The following MRTFB variants were observed in gnomAD, a reference collection of about 807,000 sequenced individuals.
The protein encoded by MRTFB is myocardin-related transcription factor B.
In MRTFB, 29 loss-of-function variants were observed where a neutral mutation model predicts 104.2. The observed-to-expected ratio is 0.28, with a 90% CI of 0.21 to 0.38. The LOEUF (loss-of-function observed/expected upper bound fraction) is 0.38. Among genes scored for constraint, MRTFB ranks in the 10% least tolerant of loss-of-function variants. MRTFB has a pLI of 1.00. For missense variants in MRTFB, 1,270 were observed against 1,341.6 expected (o/e 0.95, Z 0.83); for synonymous variants, 535 against 519.5 (o/e 1.03, Z -0.41).
chr16:14,200,612 A>G, intron 3 of MRTFB: 1 of 1,588,996 alleles, frequency 6.3e-7, no homozygotes, highest in African/African-American at 1.3e-5. Context: ...AGGTAGACTA[A>G]TGGTTGGCCT....
chr16:14,234,320 T>A (rs2042401837), intron 9 of MRTFB, 37 bp downstream of exon 9: 1 of 1,606,496 alleles, frequency 6.2e-7, no homozygotes, highest in Non-Finnish European at 8.5e-7. Context: ...TTGGTGGCTT[T>A]ATTTGTGACT....
At chr16:13,995,948 T>G in the MRTFB span, among the ~76,000 whole-genome samples, 1 of 152,082 alleles carries the variant, frequency 6.6e-6, no homozygotes, top group East Asian at 1.9e-4. Flanking sequence ...CTTCCCCTCA[T>G]TCTCCCTTTC....
At chr16:14,171,809 A>G (rs1249124684) in intron 3 of MRTFB, among the ~76,000 whole-genome samples, 1 of 152,182 alleles carries the variant, frequency 6.6e-6, no homozygotes, top group African/African-American at 2.4e-5. Flanking sequence ...TGGTTTGTAA[A>G]TTATATCTCA....
intron 9 of MRTFB, among the ~76,000 whole-genome samples, chr16:14,235,143 A>G (rs1456842100): frequency 2.6e-5 from 4 of 152,160 alleles, no homozygotes; most frequent in Non-Finnish European, 5.9e-5. Flanking sequence ...AACTCTTCTG[A>G]GGCAAGGGAG....
chr16:14,007,983 T>A, the MRTFB span, among the ~76,000 whole-genome samples: 3 of 152,250 alleles, frequency 2.0e-5, no homozygotes, highest in Admixed American at 2.0e-4. Context: ...AAGTCTCTTA[T>A]CAGATATACA....
At chr16:14,017,152 G>A in the MRTFB span, among the ~76,000 whole-genome samples, 2 of 150,926 alleles carry the variant, frequency 1.3e-5, no homozygotes, top group African/African-American at 2.4e-5. Context: ...CACCTCCCGG[G>A]TTCACACCAT....
chr16:14,164,099 A>G (rs1359102132), intron 3 of MRTFB, among the ~76,000 whole-genome samples: 2 of 152,154 alleles, frequency 1.3e-5, no homozygotes, highest in Non-Finnish European at 2.9e-5. Context: ...TATATAATAC[A>G]TTGTTGTTAA....
chr16:14,223,184 C>T (rs932276675), intron 8 of MRTFB, among the ~76,000 whole-genome samples: 1 of 152,010 alleles, frequency 6.6e-6, no homozygotes, highest in Non-Finnish European at 1.5e-5. Flanking sequence ...GTAGTGCATA[C>T]CTGTGGTCCC....
intron 3 of MRTFB, among the ~76,000 whole-genome samples, chr16:14,197,617 C>T (rs1597222396): frequency 6.6e-6 from 1 of 152,116 alleles, no homozygotes; most frequent in Non-Finnish European, 1.5e-5. Context: ...TCTAAGTATA[C>T]CATGCAAATT....
chr16:14,140,574 C>G lies in MRTFB; in HGVS notation c.-33C>G, dbSNP rs61744189. 1,465 of 1,613,220 alleles carry G rather than the reference C, an allele frequency of 9.1e-4. 9 individuals are homozygous for G. In the African/African-American group the frequency reaches 0.014, roughly 16 times the overall value. Reference sequence around the variant, plus strand: ...TCAATAGGCCGTGTTTAAGAGGCGTCTTACACTCCCTGTTGCCAGTGGCTG... The same window carrying G: ...TCAATAGGCCGTGTTTAAGAGGCGTGTTACACTCCCTGTTGCCAGTGGCTG... On this transcript the variant is annotated 5_prime_UTR_variant, in exon 3 of 17. Transcript: ENST00000571589.
At chr16:14,173,955 A>G (rs2039501062) in intron 3 of MRTFB, among the ~76,000 whole-genome samples, 1 of 152,140 alleles carries the variant, frequency 6.6e-6, no homozygotes, top group African/African-American at 2.4e-5. Context: ...AGTTAATAGA[A>G]GATGTAATTA....
chr16:14,261,670 C>T lies in MRTFB; in HGVS notation c.*226C>T. On this transcript the variant is annotated 3_prime_UTR_variant, in exon 17 of 17. Coordinates refer to ENST00000571589, the MANE Select transcript of MRTFB (RefSeq NM_001308142.2). Reference sequence around the variant, plus strand: ...ATAGCACAGGGCCTTCTGAAAATCGCACTTGTCAAAGACGACTCATCTATT... The same window carrying T: ...ATAGCACAGGGCCTTCTGAAAATCGTACTTGTCAAAGACGACTCATCTATT... 3 of 468,204 alleles carry T rather than the reference C, an allele frequency of 6.4e-6. No homozygotes were observed. Among genetic ancestry groups the T allele is most frequent in the South Asian group, 5.2e-5 (1 of 19,140 alleles). The allele number at this position is 468,204 out of a possible 1,614,324, so 29.0% of individuals were successfully genotyped here.
intron 2 of MRTFB, among the ~76,000 whole-genome samples, chr16:14,102,156 T>A (rs73514903): frequency 0.24 from 35,030 of 146,034 alleles, 7,542 homozygotes; most frequent in African/African-American, 0.57. Flanking sequence ...TGAGTCTTTT[T>A]AAAAAAAAAA....
intron 3 of MRTFB, among the ~76,000 whole-genome samples, chr16:14,207,843 T>C (rs1170707206): frequency 6.6e-6 from 1 of 152,230 alleles, no homozygotes; most frequent in African/African-American, 2.4e-5. Flanking sequence ...GAGGGGATTA[T>C]GGGAACCTCC....
intron 8 of MRTFB, among the ~76,000 whole-genome samples, chr16:14,223,114 C>T (rs1002028158): frequency 1.3e-5 from 2 of 152,094 alleles, no homozygotes; most frequent in Non-Finnish European, 2.9e-5. Context: ...CAAGACCAGC[C>T]TGGGCATCAT....
At chr16:14,147,615 G>T (rs1413337105) in intron 3 of MRTFB, among the ~76,000 whole-genome samples, 1 of 152,202 alleles carries the variant, frequency 6.6e-6, no homozygotes, top group Non-Finnish European at 1.5e-5. Flanking sequence ...GGGGCTGTGT[G>T]TGACTTTACC....
rs181120935 is a variant in MRTFB, at chr16:14,177,312, A to T, written c.155-32931A>T. ...TAGAGGCAGCATTAATTAAGCAGGC[A>T]TAGTATCCAAGGCATTGGGACTGCA... is the stretch of plus-strand genomic sequence containing the variant. On this transcript the variant is annotated intron_variant, in intron 3 of 16. Coordinates refer to ENST00000571589, the MANE Select transcript of MRTFB (RefSeq NM_001308142.2). This position sits in a 1 kb window ranked among gnomAD's most constrained non-coding sequence, Gnocchi z 4.7. Among the ~76,000 whole-genome samples the T allele has an allele frequency of 3.9e-5, 6 of 152,336 alleles. No homozygotes were observed. Among genetic ancestry groups the T allele is most frequent in the African/African-American group, 1.4e-4 (6 of 41,566 alleles).
At chr16:14,103,845 T>G (rs2142081895) in intron 2 of MRTFB, among the ~76,000 whole-genome samples, 1 of 152,360 alleles carries the variant, frequency 6.6e-6, no homozygotes, top group Non-Finnish European at 1.5e-5. Context: ...AAGAGGCAAC[T>G]GGCCTCTGTT....
At chr16:14,258,075 C>G (rs542997014) in intron 15 of MRTFB, 26 bp from the exon 16 acceptor site, 2 of 1,605,832 alleles carry the variant, frequency 1.2e-6, no homozygotes, top group East Asian at 2.2e-5. Context: ...TGAAAGAAAC[C>G]TAATTTGTAC....
Sources: allele counts gnomAD v4.1 joint callset (sites outside exome capture counted in the v4.1 genomes callset), GRCh38; gene constraint gnomAD v4.1.1; non-coding constraint Gnocchi (gnomAD v3.1); transcripts MANE v1.5; gene names NCBI Gene and HGNC (gene_info 2026-07-23, HGNC 2026-07-21).